ST3GAL6: variants seen among roughly 807,000 people sequenced by gnomAD.
The protein encoded by ST3GAL6 is type 2 lactosamine alpha-2,3-sialyltransferase.
Under a neutral mutation model 40.5 loss-of-function variants are expected in ST3GAL6, and 31 were observed. The ratio of observed to expected loss-of-function variants is 0.77; its 90% CI spans 0.58 to 1.03. ST3GAL6 has a LOEUF of 1.03. ST3GAL6 is among the 50% of genes least tolerant of loss of function. ST3GAL6 has a pLI of 0.00. For synonymous variants in ST3GAL6, 129 were observed against 136.9 expected, an observed-to-expected ratio of 0.94 and a Z score of 0.40; for missense variants, 357 against 393.2, an observed-to-expected ratio of 0.91 and a Z score of 0.78.
At chr3:98,765,506 A>G (rs1395929861) in intron 1 of ST3GAL6, among the ~76,000 whole-genome samples, 2 of 152,228 alleles carry the variant, frequency 1.3e-5, no homozygotes, top group Non-Finnish European at 2.9e-5. Context: ...TTGATGCTCC[A>G]CACAAAATAT....
At chr3:98,768,355 A>T in intron 1 of ST3GAL6, 75 bp from the exon 2 acceptor site, 2 of 1,043,930 alleles carry the variant, frequency 1.9e-6, no homozygotes, top group South Asian at 2.6e-5. Flanking sequence ...AATAATGCTT[A>T]TATTTGAGCC....
At chr3:98,769,855 C>G (rs1938779680) in intron 2 of ST3GAL6, among the ~76,000 whole-genome samples, 2 of 152,144 alleles carry the variant, frequency 1.3e-5, no homozygotes, top group African/African-American at 4.8e-5. Context: ...CAAATAATAT[C>G]TTCATGTTAT....
chr3:98,777,980 C>T (rs1379574814), intron 5 of ST3GAL6, among the ~76,000 whole-genome samples: 2 of 152,194 alleles, frequency 1.3e-5, no homozygotes, highest in African/African-American at 4.8e-5. Context: ...TTATTGCTTT[C>T]TCCTCAGTGG....
intron 1 of ST3GAL6, among the ~76,000 whole-genome samples, chr3:98,758,265 G>C (rs1420651283): frequency 1.3e-5 from 2 of 152,118 alleles, no homozygotes; most frequent in African/African-American, 4.8e-5. Flanking sequence ...AGTCACCATG[G>C]TATTTGCTTC....
At position 98,771,319 on chromosome 3, in the gene ST3GAL6, C is replaced by T. The variant is rs191849533; in HGVS notation, c.167+363C>T. The T allele has an allele frequency of 1.6e-4, 59 of 376,360 alleles. No individual in the cohort carries two copies. The East Asian group carries it at 5.0e-3, about 32-fold the overall frequency. 23.3% of individuals were successfully genotyped at this position (376,360 alleles called of 1,614,324 possible). ...TTAATTTGTGGCTTCTCCTTCCTTG[C>T]CTCTAGGTTAAACTTTTTGAGTAGA... On this transcript the variant is annotated intron_variant, in intron 3 of 9. Coordinates refer to ENST00000483910, the MANE Select transcript of ST3GAL6 (RefSeq NM_001323368.2).
intron 5 of ST3GAL6, among the ~76,000 whole-genome samples, chr3:98,778,913 T>C (rs1157602395): frequency 6.6e-6 from 1 of 152,222 alleles, no homozygotes; most frequent in East Asian, 1.9e-4. Flanking sequence ...GTCTGCATAT[T>C]TGTGGTTCCA....
At chr3:98,756,614 A>T (rs1017699057) in intron 1 of ST3GAL6, 7 of 1,097,942 alleles carry the variant, frequency 6.4e-6, no homozygotes, top group Non-Finnish European at 6.9e-6. Flanking sequence ...GTTCTTATAC[A>T]ATGCTTCTCT....
Position 98,741,083 on chromosome 3 carries a change from T to A in ST3GAL6, c.-12+8551T>A, listed in dbSNP as rs61441815. On this transcript the variant is annotated intron_variant, in intron 1 of 9. Transcript: ENST00000265261. ...GTGTGTGTGTGTGTGTGTGTGTGTGTGCATGCATGTATGTACATATGCTTT... is the reference window on the plus strand; with the variant it reads ...GTGTGTGTGTGTGTGTGTGTGTGTGAGCATGCATGTATGTACATATGCTTT... 3.8e-3 allele frequency among the ~76,000 whole-genome samples: 565 copies of A among 150,344 alleles called. 1 individual carries two copies. The highest frequency in any genetic ancestry group is 6.3e-3 in the Admixed American group (95 of 15,066).
intron 8 of ST3GAL6, among the ~76,000 whole-genome samples, chr3:98,791,088 T>G (rs1941169103): frequency 1.3e-5 from 2 of 152,158 alleles, no homozygotes; most frequent in African/African-American, 4.8e-5. Context: ...AAGCTTAAGA[T>G]GTATCTTGTT....
chr3:98,792,085 A>G (rs1308991083), intron 9 of ST3GAL6, 92 bp downstream of exon 9: 1 of 1,267,586 alleles, frequency 7.9e-7, no homozygotes, highest in African/African-American at 1.5e-5. Context: ...CACTCATTTT[A>G]CTGAGGGACC....
chr3:98,757,825 T>C (rs1282870442), intron 1 of ST3GAL6, among the ~76,000 whole-genome samples: 1 of 152,130 alleles, frequency 6.6e-6, no homozygotes, highest in East Asian at 1.9e-4. Flanking sequence ...TTAGTTAATT[T>C]TAACTGCTTT....
chr3:98,732,919 T>C (rs888338165), intron 1 of ST3GAL6: 20 of 1,507,730 alleles, frequency 1.3e-5, no homozygotes, highest in Non-Finnish European at 1.8e-5. Flanking sequence ...GCCCCTCAGG[T>C]CTCGGAGCCC....
At chr3:98,748,731 G>T (rs1936751345) in intron 1 of ST3GAL6, among the ~76,000 whole-genome samples, 2 of 152,200 alleles carry the variant, frequency 1.3e-5, no homozygotes, top group Admixed American at 1.3e-4. Context: ...CTCCCAAAGT[G>T]CTGGGATTAC....
intron 1 of ST3GAL6, among the ~76,000 whole-genome samples, chr3:98,756,114 T>C (rs1032223003): frequency 6.6e-6 from 1 of 152,232 alleles, no homozygotes; most frequent in Non-Finnish European, 1.5e-5. Context: ...GGGTATGTTA[T>C]TATTTTTAAG....
chr3:98,782,520 G>A (rs1940234614), intron 5 of ST3GAL6: 1 of 587,512 alleles, frequency 1.7e-6, no homozygotes, highest in Non-Finnish European at 3.0e-6. Context: ...ACCCCAGGAG[G>A]TCCTGCACGT....
chr3:98,743,590 G>A (rs900216202), intron 1 of ST3GAL6, among the ~76,000 whole-genome samples: 2 of 152,092 alleles, frequency 1.3e-5, no homozygotes, highest in African/African-American at 2.4e-5. Context: ...ACAGAGGAGT[G>A]CACAAAGCAT....
chr3:98,766,405 C>CTTTT (rs369996406), intron 1 of ST3GAL6, among the ~76,000 whole-genome samples: 3,175 of 103,726 alleles, frequency 0.031, 146 homozygotes, highest in Non-Finnish European at 0.039. Context: ...AAATGTCATT[C>CTTTT]TTTTTTTTTT....
intron 2 of ST3GAL6, among the ~76,000 whole-genome samples, chr3:98,769,992 G>T (rs1938794962): frequency 6.6e-6 from 1 of 152,082 alleles, no homozygotes; most frequent in Middle Eastern, 3.2e-3. Flanking sequence ...CCTGCGTAAG[G>T]AGTTTACTAG....
At chr3:98,737,891 G>C (rs1020526021) in intron 1 of ST3GAL6, among the ~76,000 whole-genome samples, 2 of 152,190 alleles carry the variant, frequency 1.3e-5, no homozygotes, top group Admixed American at 6.5e-5. Flanking sequence ...AAAAGACAAA[G>C]ATAGTGATAT....
Sources: gnomAD v4.1 joint callset for allele counts (sites outside exome capture counted in the v4.1 genomes callset) on GRCh38, gnomAD v4.1.1 for gene constraint, MANE v1.5 for transcripts, NCBI Gene and HGNC (gene_info 2026-07-23, HGNC 2026-07-21) for gene names.